RALYL: variants seen among roughly 807,000 people sequenced by gnomAD.
RALYL encodes RNA-binding Raly-like protein.
A neutral mutation model predicts 35.1 loss-of-function variants in RALYL; 29 were observed. The observed-to-expected ratio is 0.83, with a 90% CI of 0.61 to 1.13. The LOEUF is 1.13. RALYL is among the 50% of genes most tolerant of loss of function. The pLI is 0.00. For missense variants in RALYL, 359 were observed against 360.4 expected (o/e 1.00, Z 0.03); for synonymous variants, 120 against 127.6 (o/e 0.94, Z 0.40).
chr8:84,757,859 A>G (rs887014929), intron 2 of RALYL, among the ~76,000 whole-genome samples: 1 of 152,080 alleles, frequency 6.6e-6, no homozygotes, highest in South Asian at 2.1e-4. Flanking sequence ...AATTTAGAGA[A>G]TATTTCTATA....
intron 2 of RALYL, among the ~76,000 whole-genome samples, chr8:84,730,661 C>G: frequency 7.6e-6 from 1 of 130,926 alleles, no homozygotes; most frequent in East Asian, 2.0e-4. Flanking sequence ...AAAAACTCTT[C>G]ACTATATTTC....
At chr8:84,888,053 T>C (rs545565227) in intron 8 of RALYL, among the ~76,000 whole-genome samples, 2 of 152,344 alleles carry the variant, frequency 1.3e-5, no homozygotes, top group South Asian at 4.1e-4. Flanking sequence ...TCCAAAATGC[T>C]CCATTGCAAA....
At chr8:84,628,106 G>T (rs1823141153) in intron 2 of RALYL, among the ~76,000 whole-genome samples, 1 of 152,066 alleles carries the variant, frequency 6.6e-6, no homozygotes, top group African/African-American at 2.4e-5. Context: ...GTTAGATGCA[G>T]AGTACAATCC....
intron 5 of RALYL, among the ~76,000 whole-genome samples, chr8:84,856,842 C>A: frequency 6.6e-6 from 1 of 151,166 alleles, no homozygotes; most frequent in Non-Finnish European, 1.5e-5. Context: ...TCCTGGCTAA[C>A]AAGGTGAAAC....
At chr8:84,400,504 C>G (rs2042779622) in intron 1 of RALYL, among the ~76,000 whole-genome samples, 1 of 152,034 alleles carries the variant, frequency 6.6e-6, no homozygotes, top group African/African-American at 2.4e-5. Flanking sequence ...ATTGAAGGGG[C>G]CAACAAAATG....
At chr8:84,403,903 T>A (rs2043195108) in intron 1 of RALYL, among the ~76,000 whole-genome samples, 1 of 152,148 alleles carries the variant, frequency 6.6e-6, no homozygotes. Context: ...ATATCCACTG[T>A]AAGTTGTATT....
intron 2 of RALYL, among the ~76,000 whole-genome samples, chr8:84,723,744 C>G (rs867493000): frequency 6.6e-6 from 1 of 151,812 alleles, no homozygotes; most frequent in African/African-American, 2.4e-5. Context: ...TTCTTCTCTT[C>G]TGTTTAACAT....
At chr8:84,189,096 T>C (rs1361755538) in intron 1 of RALYL, among the ~76,000 whole-genome samples, 3 of 152,094 alleles carry the variant, frequency 2.0e-5, no homozygotes, top group Non-Finnish European at 4.4e-5. Context: ...ACTCCTCAGC[T>C]GGGGGTCAAG....
At chr8:84,668,519 G>A (rs1226192493) in intron 2 of RALYL, among the ~76,000 whole-genome samples, 1 of 152,104 alleles carries the variant, frequency 6.6e-6, no homozygotes, top group African/African-American at 2.4e-5. Flanking sequence ...TAGAGTGCCT[G>A]GGTGGAAGTT....
intron 1 of RALYL, among the ~76,000 whole-genome samples, chr8:84,497,190 A>C (rs2056126438): frequency 4.6e-5 from 7 of 152,142 alleles, no homozygotes; most frequent in Admixed American, 4.6e-4. Flanking sequence ...AGAATCATAC[A>C]GAAACATGTC....
intron 1 of RALYL, among the ~76,000 whole-genome samples, chr8:84,215,236 G>C (rs1470190914): frequency 1.3e-5 from 2 of 151,862 alleles, no homozygotes; most frequent in African/African-American, 4.8e-5. Flanking sequence ...CATTGTAACA[G>C]GAAAAAACTG....
intron 2 of RALYL, among the ~76,000 whole-genome samples, chr8:84,554,997 T>A (rs528001176): frequency 6.6e-6 from 1 of 152,108 alleles, no homozygotes; most frequent in East Asian, 1.9e-4. Context: ...ATAAAATATG[T>A]TGGCCTGGCA....
intron 1 of RALYL, among the ~76,000 whole-genome samples, chr8:84,464,671 G>A (rs188792239): frequency 5.3e-4 from 80 of 152,086 alleles, no homozygotes; most frequent in African/African-American, 1.3e-3. Context: ...TGGGATGGCT[G>A]GGTGAAATGG....
At chr8:84,528,823 T>C (rs1305615875) in intron 1 of RALYL, among the ~76,000 whole-genome samples, 1 of 152,170 alleles carries the variant, frequency 6.6e-6, no homozygotes, top group East Asian at 1.9e-4. Flanking sequence ...AGAAGGGTTC[T>C]GATGTTGAAA....
chr8:84,346,216 T>C, intron 1 of RALYL: 1 of 280,256 alleles, frequency 3.6e-6, no homozygotes, highest in Non-Finnish European at 5.4e-6. Flanking sequence ...TTTAAGCAAA[T>C]TGATAACCAA....
intron 1 of RALYL, among the ~76,000 whole-genome samples, chr8:84,483,486 T>C (rs997767186): frequency 1.6e-4 from 25 of 152,140 alleles, no homozygotes; most frequent in Non-Finnish European, 7.4e-5. Context: ...GGTGATATTC[T>C]GGAAATTTCA....
intron 1 of RALYL, among the ~76,000 whole-genome samples, chr8:84,387,950 C>T (rs1296675703): frequency 2.0e-5 from 3 of 151,906 alleles, no homozygotes; most frequent in African/African-American, 4.8e-5. Context: ...CCCACTAACT[C>T]GTCATCTAGC....
intron 1 of RALYL, among the ~76,000 whole-genome samples, chr8:84,380,283 C>T (rs1857716262): frequency 6.6e-6 from 1 of 151,842 alleles, no homozygotes; most frequent in Admixed American, 6.6e-5. Flanking sequence ...TTATTGAGGC[C>T]TGTCATTTCT....
chr8:84,230,113 G>A (rs1457786670), intron 1 of RALYL, among the ~76,000 whole-genome samples: 1 of 152,000 alleles, frequency 6.6e-6, no homozygotes, highest in African/African-American at 2.4e-5. Context: ...CTCATATATA[G>A]GGTTAATTGT....
Sources: gnomAD v4.1 joint callset for allele counts (sites outside exome capture counted in the v4.1 genomes callset) on GRCh38, gnomAD v4.1.1 for gene constraint, MANE v1.5 for transcripts, NCBI Gene and HGNC (gene_info 2026-07-23, HGNC 2026-07-21) for gene names.